The following CATSPERG variants were observed in gnomAD, a reference collection of about 807,000 sequenced individuals.
CATSPERG encodes cation channel sperm-associated auxiliary subunit gamma.
In CATSPERG, 115 loss-of-function variants were observed where a neutral mutation model predicts 145.0. That is an observed-to-expected ratio of 0.79 (90% CI 0.68 to 0.93). CATSPERG has a LOEUF of 0.93. CATSPERG is among the 40% of genes least tolerant of loss of function. The probability of loss-of-function intolerance (pLI) is 0.00; values close to 1 mark genes in which losing one functional copy is unlikely to be tolerated. For missense variants in CATSPERG, 1,296 were observed against 1,490.1 expected, an observed-to-expected ratio of 0.87 and a Z score of 2.14; for synonymous variants, 588 against 589.0, an observed-to-expected ratio of 1.00 and a Z score of 0.02.
At position 38,367,711 on chromosome 19, in the gene CATSPERG, C is replaced by T. The variant is rs1274655407; in HGVS notation, c.2865C>T (p.Pro955=). 1.2e-6 allele frequency: 2 copies of T among 1,614,032 alleles called. No homozygotes were observed. The highest frequency in any genetic ancestry group is 2.2e-5 in the East Asian group (1 of 44,894). The change falls in exon 25 of 29, where the codon CCC becomes CCT. Residue 955 remains proline, a synonymous_variant. Transcript: ENST00000409235. The part of the protein sequence containing the change: ...SYVLLVVGGG[P]TLDSLKDYSE... ...TTCTGCTGGTGGTGGGTGGCGGGCC[C>T]ACACTGGACAGCCTCAAGGACTACA...
chr19:38,364,383 C>T (rs558749589), intron 20 of CATSPERG, among the ~76,000 whole-genome samples: 1 of 151,798 alleles, frequency 6.6e-6, no homozygotes, highest in Non-Finnish European at 1.5e-5. Context: ...GGCAGAGGCA[C>T]TCCCCACATC....
chr19:38,353,768 C>T (rs888033962), intron 8 of CATSPERG, among the ~76,000 whole-genome samples: 8 of 145,440 alleles, frequency 5.5e-5, no homozygotes, highest in African/African-American at 1.8e-4. Context: ...TTTGGGAGGG[C>T]GGATCACGAG....
At chr19:38,356,403 A>T in intron 9 of CATSPERG, 81 bp from the exon 10 acceptor site, 1 of 1,278,572 alleles carries the variant, frequency 7.8e-7, no homozygotes, top group South Asian at 1.2e-5. Flanking sequence ...GGTGGGCATA[A>T]GGAGGGCAAT....
In CATSPERG at chr19:38,356,878, A is replaced by G; in HGVS notation, c.1315+17A>G. On this transcript the variant is annotated intron_variant, in intron 11 of 28. Coordinates refer to ENST00000409235, the MANE Select transcript of CATSPERG (RefSeq NM_021185.5). ...ACAACACAGGTAATGAGGGTGATGC[A>G]AGGGGCTGGGCACAAAGGGGCAGGA... 6.2e-6 allele frequency: 10 copies of G among 1,613,414 alleles called. No homozygotes were observed. Among genetic ancestry groups the G allele is most frequent in the Non-Finnish European group, 7.6e-6 (9 of 1,179,586 alleles).
chr19:38,349,087 C>T (rs1007695188), intron 7 of CATSPERG: 3 of 152,112 alleles, frequency 2.0e-5, no homozygotes, highest in East Asian at 3.9e-4. Flanking sequence ...ACCCAATCGC[C>T]ACACGTAGAA....
intron 1 of CATSPERG, chr19:38,336,090 A>AGGGCG (rs1969829520): frequency 7.7e-6 from 3 of 389,834 alleles, no homozygotes; most frequent in South Asian, 3.4e-5. Flanking sequence ...TGAAGGGCGA[A>AGGGCG]GGGCGGGGCG....
intron 13 of CATSPERG, among the ~76,000 whole-genome samples, chr19:38,359,047 A>C (rs1262408587): frequency 6.6e-6 from 1 of 152,020 alleles, no homozygotes; most frequent in Non-Finnish European, 1.5e-5. Context: ...ACGCGGTTTC[A>C]CCATGTTGGG....
At chr19:38,359,952 G>A (rs1970315239) in intron 14 of CATSPERG, 4 of 1,046,376 alleles carry the variant, frequency 3.8e-6, no homozygotes, top group Non-Finnish European at 4.6e-6. Flanking sequence ...GGCCCCGTCT[G>A]GGGGCTTGTG....
At position 38,369,996 on chromosome 19, in the gene CATSPERG, A is replaced by G. The variant is rs149420187; in HGVS notation, c.3045A>G (p.Pro1015=). 3.3e-5 allele frequency: 53 copies of G among 1,614,094 alleles called. No homozygotes were observed. Among genetic ancestry groups the G allele is most frequent in the Non-Finnish European group, 4.4e-5 (52 of 1,180,040 alleles). ...GGTGGCTCTGTCTGGAGAATGCCCC[A>G]TGCTATGACAATGTTCCCCAAGGCA... ...GIEWLCLENA[P]CYDNVPQGIF... is the part of the protein sequence containing the mutation. Residue 1015 remains proline (P), a synonymous_variant, in exon 27 of 29, where the codon CCA becomes CCG. Coordinates refer to ENST00000409235, the MANE Select transcript of CATSPERG (RefSeq NM_021185.5).
At position 38,370,041 on chromosome 19, in the gene CATSPERG, C is replaced by T. The variant is rs1219232028; in HGVS notation, c.3090C>T (p.Phe1030=). 2 of 1,614,228 alleles carry T rather than the reference C, an allele frequency of 1.2e-6. No individual in the cohort carries two copies. Among genetic ancestry groups the T allele is most frequent in the East Asian group, 2.2e-5 (1 of 44,886 alleles). ...AAGGCATCTTTGCCCCTGAATTCTT[C>T]TTCAAGGTGTTGGTGAGCAATAGGT... ...VPQGIFAPEF[F]FKVLVSNRGV... The change falls in exon 27 of 29, where the codon TTC becomes TTT. Residue 1030 remains phenylalanine (F), a synonymous_variant. Coordinates refer to ENST00000409235, the MANE Select transcript of CATSPERG (RefSeq NM_021185.5).
In CATSPERG at chr19:38,370,636, C is replaced by T. The variant is rs142058991; in HGVS notation, c.3324C>T (p.Leu1108=). The change falls in exon 29 of 29, where the codon CTC becomes CTT. Residue 1108 remains leucine, a synonymous_variant. Transcript: ENST00000409235. The part of the protein sequence containing the change: ...CTMIRWKINN[L]IASESYYTYA... ...TGATCCGGTGGAAGATAAACAACCTCATTGCCTCAGAATCCTACTACACCT... is the reference window on the plus strand; with the variant it reads ...TGATCCGGTGGAAGATAAACAACCTTATTGCCTCAGAATCCTACTACACCT... The T allele has an allele frequency of 1.2e-6, 2 of 1,614,146 alleles. No individual in the cohort carries two copies.
intron 7 of CATSPERG, among the ~76,000 whole-genome samples, chr19:38,350,670 T>A (rs1970123679): frequency 6.6e-6 from 1 of 152,118 alleles, no homozygotes; most frequent in South Asian, 2.1e-4. Flanking sequence ...TCGGCCACAT[T>A]CCTCTGTATT....
chr19:38,361,905 G>A (rs753168174), intron 17 of CATSPERG, 44 bp downstream of exon 17: 2 of 1,541,892 alleles, frequency 1.3e-6, no homozygotes, highest in African/African-American at 1.4e-5. Flanking sequence ...ACGGGACTGG[G>A]GCAGCCGGGA....
intron 8 of CATSPERG, among the ~76,000 whole-genome samples, chr19:38,354,400 A>C (rs1293890686): frequency 6.6e-6 from 1 of 152,332 alleles, no homozygotes; most frequent in East Asian, 1.9e-4. Context: ...AGAAAAGAGC[A>C]TCTTGTTGCG....
chr19:38,351,899 C>T (rs994685735), intron 7 of CATSPERG, among the ~76,000 whole-genome samples: 3 of 152,096 alleles, frequency 2.0e-5, no homozygotes, highest in African/African-American at 7.2e-5. Context: ...AGAGCCAGAT[C>T]CAGCCTTTAA....
intron 7 of CATSPERG, among the ~76,000 whole-genome samples, chr19:38,347,438 A>T (rs528136608): frequency 6.6e-6 from 1 of 152,340 alleles, no homozygotes; most frequent in East Asian, 1.9e-4. Flanking sequence ...ATGTGCCATT[A>T]CATTCTACAC....
intron 11 of CATSPERG, among the ~76,000 whole-genome samples, chr19:38,357,316 C>G (rs972676944): frequency 1.4e-5 from 2 of 147,852 alleles, no homozygotes; most frequent in African/African-American, 5.0e-5. Flanking sequence ...TCAAGACCAG[C>G]CTGGGGCAAC....
At position 38,362,416 on chromosome 19, in the gene CATSPERG, GC is replaced by G. The variant is rs1970365739; in HGVS notation, c.2199del (p.Gly734AlafsTer4). 6.2e-7 allele frequency: 1 copy of G among 1,614,032 alleles called. No individual in the cohort carries two copies. The highest frequency in any genetic ancestry group is 1.1e-5 in the South Asian group (1 of 91,090). ...TTGGCGAGCAATTGGCGAAGCGCGGGCGGCGTGTCCATAGAAATGGACAGCT... is the reference window on the plus strand; with the variant it reads ...TTGGCGAGCAATTGGCGAAGCGCGGGGGCGTGTCCATAGAAATGGACAGCT... ...FFLASNWRSA[G>X]GVSIEMDSYE... is the part of the protein sequence containing the mutation. On this transcript the variant is annotated frameshift_variant, in exon 19 of 29. Coordinates refer to ENST00000409235, the MANE Select transcript of CATSPERG (RefSeq NM_021185.5). LOFTEE classifies it high-confidence loss of function.
At chr19:38,348,385 T>C (rs954923747) in intron 7 of CATSPERG, among the ~76,000 whole-genome samples, 8 of 151,848 alleles carry the variant, frequency 5.3e-5, no homozygotes, top group Non-Finnish European at 1.0e-4. Context: ...GGTCTTAAAC[T>C]CCTGCCCTTA....
Sources: gnomAD v4.1 joint callset for allele counts (sites outside exome capture counted in the v4.1 genomes callset) on GRCh38, gnomAD v4.1.1 for gene constraint, MANE v1.5 for transcripts, NCBI Gene and HGNC (gene_info 2026-07-23, HGNC 2026-07-21) for gene names.